The following PCDH15 variants were observed in gnomAD, a reference collection of about 807,000 sequenced individuals.
The protein encoded by PCDH15 is protocadherin-15.
A neutral mutation model predicts 178.5 loss-of-function variants in PCDH15; 129 were observed. The observed-to-expected ratio is 0.72, with a 90% CI of 0.63 to 0.84. PCDH15 has a LOEUF of 0.84. Ranked by LOEUF, PCDH15 falls within the 40% of genes least tolerant of loss-of-function variation. The probability of loss-of-function intolerance (pLI) is 0.00; values close to 1 mark genes in which losing one functional copy is unlikely to be tolerated. For synonymous variants in PCDH15, 800 were observed against 732.0 expected, an observed-to-expected ratio of 1.09 and a Z score of -1.50; for missense variants, 2,230 against 2,099.9, an observed-to-expected ratio of 1.06 and a Z score of -1.21.
At chr10:54,801,404 T>C (rs1425842352), upstream of PCDH15, 1 of 152,204 alleles carries the variant, frequency 6.6e-6, no homozygotes, top group Non-Finnish European at 1.5e-5. Flanking sequence ...TTGCACCAAT[T>C]AGTAGCAGGT....
At chr10:55,050,263 T>G (rs1272425021) in intron 2 of PCDH15, among the ~76,000 whole-genome samples, 2 of 152,000 alleles carry the variant, frequency 1.3e-5, no homozygotes. Context: ...GCTATGAGAT[T>G]TTGGCCAACT....
intron 2 of PCDH15, among the ~76,000 whole-genome samples, chr10:55,600,878 A>AATTT (rs902071463): frequency 7.2e-5 from 11 of 151,854 alleles, no homozygotes; most frequent in Non-Finnish European, 1.6e-4. Flanking sequence ...TTTTTAAATT[A>AATTT]ATTTATTTAT....
chr10:54,151,834 A>G (rs1477570299), intron 14 of PCDH15, among the ~76,000 whole-genome samples: 1 of 152,150 alleles, frequency 6.6e-6, no homozygotes, highest in African/African-American at 2.4e-5. Context: ...TCAAAGAGAA[A>G]ACTTAACAGA....
At chr10:55,010,834 A>T (rs949993367) in intron 2 of PCDH15, among the ~76,000 whole-genome samples, 23 of 152,116 alleles carry the variant, frequency 1.5e-4, no homozygotes, top group African/African-American at 5.3e-4. Context: ...AATCCATCTC[A>T]TAATATTATA....
intron 25 of PCDH15, among the ~76,000 whole-genome samples, chr10:53,921,684 A>G (rs2084009725): frequency 6.6e-6 from 1 of 152,150 alleles, no homozygotes; most frequent in African/African-American, 2.4e-5. Context: ...TGAGTTTCTA[A>G]GATTGCTGAA....
intron 2 of PCDH15, among the ~76,000 whole-genome samples, chr10:54,542,628 T>A (rs772638200): frequency 6.6e-6 from 1 of 152,176 alleles, no homozygotes; most frequent in Non-Finnish European, 1.5e-5. Context: ...CTTAGAGCCA[T>A]AGAGCCAAAG....
At chr10:54,173,033 A>T (rs1237094756) in intron 13 of PCDH15, among the ~76,000 whole-genome samples, 1 of 152,214 alleles carries the variant, frequency 6.6e-6, no homozygotes, top group Non-Finnish European at 1.5e-5. Flanking sequence ...CACAAATTCA[A>T]AATGCAAGGA....
chr10:54,779,406 G>C (rs866116333), intron 1 of PCDH15, among the ~76,000 whole-genome samples: 1 of 107,014 alleles, frequency 9.3e-6, no homozygotes, highest in African/African-American at 3.9e-5. Context: ...ATATATATAT[G>C]TATATATATA....
intron 2 of PCDH15, among the ~76,000 whole-genome samples, chr10:54,632,528 C>A (rs1484190924): frequency 3.3e-5 from 5 of 152,036 alleles, no homozygotes; most frequent in Non-Finnish European, 5.9e-5. Context: ...TATGGGGATA[C>A]TCTGTATTAC....
At chr10:55,371,546 G>T (rs1845508575) in intron 2 of PCDH15, among the ~76,000 whole-genome samples, 1 of 152,084 alleles carries the variant, frequency 6.6e-6, no homozygotes, top group Admixed American at 6.6e-5. Flanking sequence ...CTGTTCTTGT[G>T]ATACTGAATG....
intron 31 of PCDH15, among the ~76,000 whole-genome samples, chr10:53,828,307 G>A (rs2076825741): frequency 6.7e-6 from 1 of 149,688 alleles, no homozygotes; most frequent in African/African-American, 2.5e-5. Context: ...CCTGGACACT[G>A]ATTAATTTCT....
intron 8 of PCDH15, among the ~76,000 whole-genome samples, chr10:54,272,203 G>A (rs1350580196): frequency 6.6e-6 from 1 of 151,076 alleles, no homozygotes; most frequent in Non-Finnish European, 1.5e-5. Flanking sequence ...GATCCTGATG[G>A]CATTAAAGGC....
At chr10:54,253,953 A>G (rs897395149) in intron 8 of PCDH15, among the ~76,000 whole-genome samples, 1 of 152,122 alleles carries the variant, frequency 6.6e-6, no homozygotes, top group Non-Finnish European at 1.5e-5. Context: ...AATTTTAAAC[A>G]TATACAGCAT....
intron 2 of PCDH15, among the ~76,000 whole-genome samples, chr10:55,387,093 A>G (rs1029877685): frequency 1.3e-5 from 2 of 152,162 alleles, no homozygotes. Context: ...TTTTTAAAAT[A>G]TCGTGCCATT....
intron 2 of PCDH15, among the ~76,000 whole-genome samples, chr10:54,613,504 T>TACACACAC (rs367744959): frequency 6.1e-5 from 9 of 148,388 alleles, no homozygotes; most frequent in African/African-American, 2.2e-4. Context: ...CACACACACA[T>TACACACAC]ACACACACAC....
At chr10:54,966,633 G>A (rs1437834540) in intron 2 of PCDH15, among the ~76,000 whole-genome samples, 1 of 152,116 alleles carries the variant, frequency 6.6e-6, no homozygotes, top group Non-Finnish European at 1.5e-5. Flanking sequence ...GAGAGGCACA[G>A]TGGGAGATCA....
chr10:53,911,060 G>C (rs1274393718), intron 25 of PCDH15, among the ~76,000 whole-genome samples: 1 of 152,150 alleles, frequency 6.6e-6, no homozygotes, highest in Non-Finnish European at 1.5e-5. Flanking sequence ...AAAGTGATGA[G>C]GAGAATGGAA....
In PCDH15 at chr10:55,071,613, A is replaced by T. The variant is rs367728887; in HGVS notation, c.-80+94963T>A. On this transcript the variant is annotated intron_variant, in intron 2 of 5. Coordinates refer to the PCDH15 transcript ENST00000458638. Reference sequence around the variant, plus strand: ...TTCATAAAGCAAGTCCTGAGTGACCAACAAAGAGACTTAGACTCCCACACA... The same window carrying T: ...TTCATAAAGCAAGTCCTGAGTGACCTACAAAGAGACTTAGACTCCCACACA... 5.5e-4 allele frequency among the ~76,000 whole-genome samples: 83 copies of T among 152,152 alleles called. 1 individual carries two copies. The highest frequency in any genetic ancestry group is 8.2e-4 in the Non-Finnish European group (56 of 67,976).
At chr10:55,178,997 C>G (rs1839568294) in intron 1 of PCDH15, among the ~76,000 whole-genome samples, 1 of 152,136 alleles carries the variant, frequency 6.6e-6, no homozygotes, top group South Asian at 2.1e-4. Context: ...CTTCTTATTT[C>G]TGTTATCTCT....
Sources: gnomAD v4.1 joint callset for allele counts (sites outside exome capture counted in the v4.1 genomes callset) on GRCh38, gnomAD v4.1.1 for gene constraint, MANE v1.5 for transcripts, NCBI Gene and HGNC (gene_info 2026-07-23, HGNC 2026-07-21) for gene names.